PTGFR: variants seen among roughly 807,000 people sequenced by gnomAD.
PTGFR encodes the protein prostaglandin F2-alpha receptor.
PTGFR carries 15 observed loss-of-function variants against 26.2 expected under a neutral mutation model. That is an observed-to-expected ratio of 0.57 (90% CI 0.38 to 0.88). PTGFR has a LOEUF of 0.88. PTGFR is among the 40% of genes least tolerant of loss of function. PTGFR has a pLI of 0.00. For synonymous variants in PTGFR, 165 were observed against 151.1 expected (o/e 1.09, Z -0.68); for missense variants, 369 against 427.2 (o/e 0.86, Z 1.20).
At chr1:78,533,715 G>T (rs569530096) in intron 2 of PTGFR, among the ~76,000 whole-genome samples, 1 of 152,288 alleles carries the variant, frequency 6.6e-6, no homozygotes, top group South Asian at 2.1e-4. Context: ...ACAGAGCCCT[G>T]ACTCTGGCCA....
At position 78,493,501 on chromosome 1, in the gene PTGFR, C is replaced by T. The variant is rs145816454; in HGVS notation, c.758C>T (p.Ala253Val). ...TTGGAAATGGTAATCCAGCTCCTGG[C>T]GATAATGTGTGTCTCCTGTATTTGT... ...HHLEMVIQLL[A>V]IMCVSCICWS... Residue 253 changes from alanine to valine, a missense_variant, in exon 2 of 3, where the codon GCG (alanine) becomes GTG (valine). Transcript: ENST00000370757. The T allele has an allele frequency of 3.8e-5, 60 of 1,571,442 alleles. No homozygotes were observed. The highest frequency in any genetic ancestry group is 2.0e-4 in the South Asian group (17 of 83,668).
chr1:78,505,006 C>G (rs1336480866), intron 2 of PTGFR, among the ~76,000 whole-genome samples: 1 of 151,770 alleles, frequency 6.6e-6, no homozygotes, highest in Non-Finnish European at 1.5e-5. Flanking sequence ...TGTTTCTTAT[C>G]TTGATCACAA....
intron 2 of PTGFR, among the ~76,000 whole-genome samples, chr1:78,509,189 G>A (rs1186723053): frequency 6.6e-6 from 1 of 152,170 alleles, no homozygotes; most frequent in Non-Finnish European, 1.5e-5. Flanking sequence ...AAAGGAATCA[G>A]TGGATGGAAG....
chr1:78,506,460 A>C (rs1398614420), intron 2 of PTGFR, among the ~76,000 whole-genome samples: 1 of 151,996 alleles, frequency 6.6e-6, no homozygotes. Flanking sequence ...CCAGTAGGGA[A>C]ATTCTTATTT....
At chr1:78,509,265 A>G (rs1343803535) in intron 2 of PTGFR, among the ~76,000 whole-genome samples, 1 of 152,182 alleles carries the variant, frequency 6.6e-6, no homozygotes, top group Non-Finnish European at 1.5e-5. Context: ...TATGATGCTG[A>G]CAATGGTGGT....
intron 2 of PTGFR, among the ~76,000 whole-genome samples, chr1:78,507,393 G>A (rs1446359095): frequency 6.6e-6 from 1 of 152,092 alleles, no homozygotes; most frequent in African/African-American, 2.4e-5. Context: ...GTGAAGCTTG[G>A]TTCCATAGGA....
chr1:78,519,320 A>G (rs1471312414), intron 2 of PTGFR, among the ~76,000 whole-genome samples: 2 of 152,166 alleles, frequency 1.3e-5, no homozygotes, highest in Admixed American at 6.6e-5. Context: ...TCGGCAAATT[A>G]TTAAGGATAT....
chr1:78,495,481 CAAAG>C (rs1207922556), intron 2 of PTGFR, among the ~76,000 whole-genome samples: 3 of 151,952 alleles, frequency 2.0e-5, no homozygotes, highest in Admixed American at 6.6e-5. Context: ...GAAAGAAATA[CAAAG>C]AAAGTGAGAA....
chr1:78,493,858 A>T (rs1433247380), intron 2 of PTGFR, among the ~76,000 whole-genome samples: 14 of 151,850 alleles, frequency 9.2e-5, no homozygotes, highest in Non-Finnish European at 1.5e-5. Flanking sequence ...AAAATGACCA[A>T]CTATAAAACA....
chr1:78,500,508 G>T (rs563281947), intron 2 of PTGFR, among the ~76,000 whole-genome samples: 1 of 152,280 alleles, frequency 6.6e-6, no homozygotes, highest in South Asian at 2.1e-4. Flanking sequence ...TTGCCTTGTT[G>T]GGATATTTCC....
At chr1:78,518,214 A>T (rs1650138310) in intron 2 of PTGFR, among the ~76,000 whole-genome samples, 1 of 152,194 alleles carries the variant, frequency 6.6e-6, no homozygotes. Context: ...TAAAGGAAAC[A>T]TTTAGTTATG....
At chr1:78,500,081 T>C (rs1165804878) in intron 2 of PTGFR, among the ~76,000 whole-genome samples, 2 of 152,046 alleles carry the variant, frequency 1.3e-5, no homozygotes, top group Non-Finnish European at 2.9e-5. Flanking sequence ...TGGTATTTTA[T>C]CTCTGAGAGA....
chr1:78,537,196 G>A lies in PTGFR; in HGVS notation c.*509G>A, dbSNP rs569401739. 1.3e-5 allele frequency: 2 copies of A among 152,748 alleles called. No homozygotes were observed. The highest frequency in any genetic ancestry group is 2.1e-4 in the South Asian group (1 of 4,844). The allele number at this position is 152,748 out of a possible 1,614,324, so 9.5% of individuals were successfully genotyped here. A position where few individuals can be genotyped will look rare whatever the true frequency, so the allele number is the denominator to read the frequency against. On this transcript the variant is annotated 3_prime_UTR_variant, in exon 3 of 3. Coordinates refer to ENST00000370757, the MANE Select transcript of PTGFR (RefSeq NM_000959.4). ...CATGGTCATGACACCCAGAATTCAT[G>A]ATGGTTTGTTATAACAACCTCTGCA...
chr1:78,492,831 G>A lies in PTGFR; in HGVS notation c.88G>A (p.Val30Ile), dbSNP rs1649444679. Reference protein sequence around the residue: ...TTCQTENRLSVFFSVIFMTVG... With the variant: ...TTCQTENRLSIFFSVIFMTVG... ...CTGCCAGACGGAAAACCGGCTTTCCGTATTTTTTTCAGTAATCTTCATGAC... is the reference window on the plus strand; with the variant it reads ...CTGCCAGACGGAAAACCGGCTTTCCATATTTTTTTCAGTAATCTTCATGAC... The change falls in exon 2 of 3, where the codon GTA (valine) becomes ATA (isoleucine). Residue 30 changes from valine to isoleucine, a missense_variant. Coordinates refer to ENST00000370757, the MANE Select transcript of PTGFR (RefSeq NM_000959.4). 10 of 1,614,192 alleles carry A rather than the reference G, an allele frequency of 6.2e-6. No homozygotes were observed. Among genetic ancestry groups the A allele is most frequent in the South Asian group, 5.5e-5 (5 of 91,082 alleles).
chr1:78,519,620 G>A (rs1437914337), intron 2 of PTGFR, among the ~76,000 whole-genome samples: 2 of 152,084 alleles, frequency 1.3e-5, no homozygotes, highest in African/African-American at 4.8e-5. Flanking sequence ...ACTAAAATGC[G>A]ATACTAACCT....
intron 2 of PTGFR, among the ~76,000 whole-genome samples, chr1:78,533,888 G>C (rs1037460476): frequency 3.3e-5 from 5 of 152,114 alleles, no homozygotes; most frequent in Non-Finnish European, 7.4e-5. Context: ...AATGAATGGA[G>C]ATTCATTGTA....
At chr1:78,513,812 C>G (rs747021138) in intron 2 of PTGFR, among the ~76,000 whole-genome samples, 1 of 151,550 alleles carries the variant, frequency 6.6e-6, no homozygotes, top group Non-Finnish European at 1.5e-5. Context: ...CCTTGCAATG[C>G]TGTTTCCCAC....
chr1:78,508,650 A>G (rs1426467013), intron 2 of PTGFR, among the ~76,000 whole-genome samples: 2 of 152,182 alleles, frequency 1.3e-5, no homozygotes, highest in Non-Finnish European at 2.9e-5. Context: ...CTTTTCCAGC[A>G]TTGGTGGGTA....
At chr1:78,498,940 G>A (rs1456862270) in intron 2 of PTGFR, among the ~76,000 whole-genome samples, 2 of 152,178 alleles carry the variant, frequency 1.3e-5, no homozygotes, top group Non-Finnish European at 2.9e-5. Flanking sequence ...CTACTTCTGG[G>A]AAGTTTGTAA....
Sources: gnomAD v4.1 joint callset for allele counts (sites outside exome capture counted in the v4.1 genomes callset) on GRCh38, gnomAD v4.1.1 for gene constraint, MANE v1.5 for transcripts, NCBI Gene and HGNC (gene_info 2026-07-23, HGNC 2026-07-21) for gene names.